TRPM3: variants seen among roughly 807,000 people sequenced by gnomAD.
TRPM3 encodes long transient receptor potential channel 3.
In TRPM3, 77 loss-of-function variants were observed where a neutral mutation model predicts 181.2. The ratio of observed to expected loss-of-function variants is 0.42; its 90% CI spans 0.35 to 0.51. The LOEUF (loss-of-function observed/expected upper bound fraction) is 0.51. Ranked by LOEUF, TRPM3 falls within the 20% of genes least tolerant of loss-of-function variation. The pLI is 0.01. For missense variants in TRPM3, 1,759 were observed against 2,196.7 expected, an observed-to-expected ratio of 0.80 and a Z score of 3.98; for synonymous variants, 745 against 796.4, an observed-to-expected ratio of 0.94 and a Z score of 1.09.
intron 3 of TRPM3, among the ~76,000 whole-genome samples, chr9:70,850,608 G>A (rs1216018261): frequency 6.6e-6 from 1 of 152,120 alleles, no homozygotes; most frequent in African/African-American, 2.4e-5. Context: ...AGTGGTTTAA[G>A]ATAAAGATGA....
chr9:70,761,700 G>A lies in TRPM3; in HGVS notation c.1173C>T (p.Asp391=), dbSNP rs1295087945. ...TCTTCTGTATAGTCACCAACAGCTG[G>A]TCCCTCAAAGATTCATTTATCAGTC... ...EGGLINESLR[D]QLLVTIQKTF... is the part of the protein sequence containing the mutation. Residue 391 remains aspartate (D), a synonymous_variant, in exon 8 of 26, where the codon GAC becomes GAT. Coordinates refer to ENST00000677713, the MANE Select transcript of TRPM3 (RefSeq NM_001366145.2). The A allele has an allele frequency of 3.7e-6, 6 of 1,612,382 alleles. No homozygotes were observed. The Admixed American group carries it at 1.0e-4, about 27-fold the overall frequency.
chr9:70,805,403 G>C (rs1324182320), intron 6 of TRPM3, among the ~76,000 whole-genome samples: 1 of 151,462 alleles, frequency 6.6e-6, no homozygotes, highest in Non-Finnish European at 1.5e-5. Flanking sequence ...GCATAGTGGC[G>C]GGCGCCTGTA....
intron 1 of TRPM3, among the ~76,000 whole-genome samples, chr9:71,391,384 C>T (rs568654882): frequency 3.5e-4 from 54 of 152,140 alleles, no homozygotes; most frequent in South Asian, 2.9e-3. Flanking sequence ...ACTTCTCTTT[C>T]TTTCTATGAA....
intron 12 of TRPM3, among the ~76,000 whole-genome samples, chr9:70,629,357 C>T (rs980631437): frequency 2.0e-5 from 3 of 151,818 alleles, no homozygotes; most frequent in Non-Finnish European, 4.4e-5. Context: ...TCTTTTGAGA[C>T]GGAGTTTCAC....
At chr9:71,254,892 T>C (rs567042677) in intron 1 of TRPM3, among the ~76,000 whole-genome samples, 6 of 152,306 alleles carry the variant, frequency 3.9e-5, no homozygotes, top group Non-Finnish European at 5.9e-5. Context: ...GGGTCCCTTC[T>C]TACCTTTCAT....
At chr9:70,852,663 G>C (rs2095271878) in intron 3 of TRPM3, among the ~76,000 whole-genome samples, 2 of 152,010 alleles carry the variant, frequency 1.3e-5, no homozygotes, top group Non-Finnish European at 1.5e-5. Context: ...GTCCCTTTTG[G>C]ACCATATTAT....
At chr9:70,638,962 A>G in intron 11 of TRPM3, 98 bp downstream of exon 11, 1 of 1,369,548 alleles carries the variant, frequency 7.3e-7, no homozygotes, top group Non-Finnish European at 1.0e-6. Context: ...ATGCATTTGG[A>G]CGGGAGAAGG....
At chr9:71,102,296 T>C (rs2068549575) in intron 1 of TRPM3, among the ~76,000 whole-genome samples, 1 of 152,214 alleles carries the variant, frequency 6.6e-6, no homozygotes, top group Non-Finnish European at 1.5e-5. Flanking sequence ...GAATGAATTT[T>C]TACTTGTCAT....
intron 1 of TRPM3, among the ~76,000 whole-genome samples, chr9:70,965,755 T>A (rs1309059112): frequency 6.6e-6 from 1 of 152,084 alleles, no homozygotes; most frequent in Admixed American, 6.6e-5. Flanking sequence ...AGGTTTTCTT[T>A]TTTCATTGTA....
At chr9:70,815,225 C>T (rs17554479) in intron 6 of TRPM3, among the ~76,000 whole-genome samples, 4 of 151,982 alleles carry the variant, frequency 2.6e-5, no homozygotes, top group South Asian at 2.1e-4. Flanking sequence ...AGCCCAACAG[C>T]GGTATTACAT....
intron 21 of TRPM3, among the ~76,000 whole-genome samples, chr9:70,597,152 C>T (rs1451315867): frequency 7.2e-5 from 11 of 152,020 alleles, no homozygotes; most frequent in African/African-American, 2.4e-5. Flanking sequence ...AGGCTGGTCT[C>T]GAACTCCCGA....
chr9:71,056,703 T>C (rs138454979), intron 1 of TRPM3, among the ~76,000 whole-genome samples: 190 of 152,080 alleles, frequency 1.2e-3, no homozygotes, highest in African/African-American at 4.3e-3. Flanking sequence ...CTATAAGACA[T>C]AGAGAGAAGA....
intron 1 of TRPM3, among the ~76,000 whole-genome samples, chr9:71,038,097 T>C (rs1464711163): frequency 6.6e-6 from 1 of 152,234 alleles, no homozygotes; most frequent in Non-Finnish European, 1.5e-5. Flanking sequence ...AAAGATGGAG[T>C]GACAGAGTCT....
chr9:70,578,535 C>T (rs1053529480), intron 22 of TRPM3, among the ~76,000 whole-genome samples: 8 of 152,220 alleles, frequency 5.3e-5, no homozygotes, highest in African/African-American at 1.7e-4. Flanking sequence ...GAGTCCTTCA[C>T]GTTGACTGTT....
chr9:70,755,102 T>C (rs1182128829), intron 8 of TRPM3, among the ~76,000 whole-genome samples: 1 of 152,192 alleles, frequency 6.6e-6, no homozygotes, highest in Non-Finnish European at 1.5e-5. Context: ...TTTGCCCGGA[T>C]GTGGAGATAA....
intron 5 of TRPM3, among the ~76,000 whole-genome samples, chr9:70,829,334 A>T (rs2093750609): frequency 6.6e-6 from 1 of 152,210 alleles, no homozygotes; most frequent in Non-Finnish European, 1.5e-5. Context: ...TTCTGATTCA[A>T]AATCCCACAT....
chr9:71,302,120 T>C (rs2086834534), intron 1 of TRPM3, among the ~76,000 whole-genome samples: 1 of 152,152 alleles, frequency 6.6e-6, no homozygotes, highest in Non-Finnish European at 1.5e-5. Context: ...AATCAACACC[T>C]ACACTGTAGG....
chr9:71,201,233 T>G (rs1279203615), intron 1 of TRPM3, among the ~76,000 whole-genome samples: 2 of 151,988 alleles, frequency 1.3e-5, no homozygotes, highest in African/African-American at 2.4e-5. Context: ...GAGTTTCTGC[T>G]GAGACATCTG....
chr9:71,120,998 G>A (rs898911466), intron 1 of TRPM3, among the ~76,000 whole-genome samples, 180 bp downstream of exon 1: 90 of 151,768 alleles, frequency 5.9e-4, no homozygotes, highest in African/African-American at 2.0e-3. Context: ...CACGGGGTGT[G>A]GGTGGGGGGC....
Sources: allele counts gnomAD v4.1 joint callset (sites outside exome capture counted in the v4.1 genomes callset), GRCh38; gene constraint gnomAD v4.1.1; transcripts MANE v1.5; gene names NCBI Gene and HGNC (gene_info 2026-07-23, HGNC 2026-07-21).